The following TTC6 variants were observed in gnomAD, a reference collection of about 807,000 sequenced individuals.
TTC6 encodes tetratricopeptide repeat protein 6.
In TTC6, 172 loss-of-function variants were observed where a neutral mutation model predicts 210.4. The ratio of observed to expected loss-of-function variants is 0.82; its 90% CI spans 0.72 to 0.93. TTC6 has a LOEUF of 0.93. TTC6 is among the 40% of genes least tolerant of loss of function. The pLI, the probability that TTC6 is intolerant of heterozygous loss-of-function variation, is 0.00. For synonymous variants in TTC6, 804 were observed against 819.6 expected, an observed-to-expected ratio of 0.98 and a Z score of 0.32; for missense variants, 2,414 against 2,318.1, an observed-to-expected ratio of 1.04 and a Z score of -0.85.
chr14:37,776,845 C>T lies in TTC6; in HGVS notation c.3267-10623C>T, dbSNP rs1394014228. ...GGGGCGGGCTGAGGTTGCAGTGAGC[C>T]GAGATGGCACCATTTAACTCTAGCC... On this transcript the variant is annotated intron_variant, in intron 14 of 30. Transcript: ENST00000553443. 2.0e-5 allele frequency among the ~76,000 whole-genome samples: 3 copies of T among 151,870 alleles called. No individual in the cohort carries two copies. In the East Asian group the frequency reaches 5.8e-4, roughly 29 times the overall value.
chr14:37,633,236 C>T (rs2095673492), intron 1 of TTC6, among the ~76,000 whole-genome samples: 1 of 152,212 alleles, frequency 6.6e-6, no homozygotes, highest in Admixed American at 6.5e-5. Flanking sequence ...GTGCGTGAAA[C>T]CCAGGGCCCT....
intron 6 of TTC6, among the ~76,000 whole-genome samples, chr14:37,721,346 C>T (rs2095861474): frequency 6.6e-6 from 1 of 152,158 alleles, no homozygotes; most frequent in South Asian, 2.1e-4. Flanking sequence ...AATGTTGACA[C>T]ATTTCAGTAT....
chr14:37,836,833 C>T (rs1168648117), intron 29 of TTC6, among the ~76,000 whole-genome samples: 1 of 152,110 alleles, frequency 6.6e-6, no homozygotes, highest in Non-Finnish European at 1.5e-5. Flanking sequence ...CTCATCTGAT[C>T]TAATAAACTC....
At chr14:37,690,057 G>A (rs2095800858) in intron 3 of TTC6, among the ~76,000 whole-genome samples, 1 of 151,986 alleles carries the variant, frequency 6.6e-6, no homozygotes, top group Non-Finnish European at 1.5e-5. Flanking sequence ...AAGATAAAAA[G>A]CAGAAGAATA....
At chr14:37,770,476 T>C (rs2096014447) in intron 14 of TTC6, among the ~76,000 whole-genome samples, 2 of 151,574 alleles carry the variant, frequency 1.3e-5, no homozygotes, top group Admixed American at 1.3e-4. Context: ...GCTTTATGAA[T>C]CTGGGTGCTC....
chr14:37,635,321 G>A (rs978027688), intron 1 of TTC6, among the ~76,000 whole-genome samples: 8 of 152,054 alleles, frequency 5.3e-5, no homozygotes, highest in African/African-American at 1.9e-4. Flanking sequence ...GGTATACAAA[G>A]CGATTCACTC....
At chr14:37,831,050 C>T (rs2096183717) in intron 29 of TTC6, among the ~76,000 whole-genome samples, 1 of 151,994 alleles carries the variant, frequency 6.6e-6, no homozygotes, top group Non-Finnish European at 1.5e-5. Context: ...TATTTTTGTT[C>T]CCATTAGCCA....
At chr14:37,667,285 C>T (rs1215436545) in intron 1 of TTC6, among the ~76,000 whole-genome samples, 1 of 150,140 alleles carries the variant, frequency 6.7e-6, no homozygotes, top group African/African-American at 2.4e-5. Context: ...TCTTATTTCA[C>T]TTATACTACC....
intron 1 of TTC6, among the ~76,000 whole-genome samples, chr14:37,679,319 C>T (rs2095777654): frequency 6.6e-6 from 1 of 152,134 alleles, no homozygotes; most frequent in Admixed American, 6.5e-5. Context: ...TGATTTGTGG[C>T]TTCACAGTTT....
chr14:37,768,699 G>C (rs1339615322), intron 14 of TTC6, among the ~76,000 whole-genome samples: 1 of 151,834 alleles, frequency 6.6e-6, no homozygotes, highest in Non-Finnish European at 1.5e-5. Context: ...AGGAGATTTT[G>C]GGCTGAGACA....
chr14:37,711,256 G>A (rs561324630), intron 5 of TTC6, among the ~76,000 whole-genome samples: 4 of 152,140 alleles, frequency 2.6e-5, no homozygotes, highest in Admixed American at 1.3e-4. Context: ...CAAATTTTTG[G>A]GAGACAGAAA....
chr14:37,721,853 T>TAC, intron 6 of TTC6, among the ~76,000 whole-genome samples: 1 of 128,336 alleles, frequency 7.8e-6, no homozygotes, highest in African/African-American at 3.4e-5. Context: ...TCACCATATA[T>TAC]ATATATATAT....
intron 6 of TTC6, among the ~76,000 whole-genome samples, chr14:37,720,907 G>A (rs867528860): frequency 2.0e-5 from 3 of 152,176 alleles, no homozygotes; most frequent in South Asian, 4.1e-4. Context: ...TAGCTTGACT[G>A]TTTCATGTCA....
At chr14:37,605,866 C>T (rs1219998445) in intron 1 of TTC6, among the ~76,000 whole-genome samples, 6 of 151,386 alleles carry the variant, frequency 4.0e-5, no homozygotes, top group Non-Finnish European at 7.4e-5. Flanking sequence ...TGTATCTTTT[C>T]TTTTTCAAAT....
intron 29 of TTC6, among the ~76,000 whole-genome samples, chr14:37,833,037 A>G (rs543748525): frequency 6.0e-4 from 82 of 137,346 alleles, no homozygotes; most frequent in African/African-American, 2.2e-3. Context: ...TGGCCTGGTG[A>G]TAGAGTGAGA....
intron 4 of TTC6, 47 bp from the exon 7 acceptor site, chr14:37,701,285 A>T (rs2095824797): frequency 7.8e-7 from 1 of 1,288,738 alleles, no homozygotes; most frequent in Non-Finnish European, 1.0e-6. Flanking sequence ...TTATATCTAA[A>T]GTCCACAAAA....
At chr14:37,652,208 A>G (rs974025703) in intron 1 of TTC6, among the ~76,000 whole-genome samples, 2 of 152,174 alleles carry the variant, frequency 1.3e-5, no homozygotes, top group Non-Finnish European at 2.9e-5. Context: ...ATTGAACCAT[A>G]TGAAATTGCT....
intron 5 of TTC6, among the ~76,000 whole-genome samples, chr14:37,708,741 T>G (rs1231480061): frequency 6.6e-6 from 1 of 152,122 alleles, no homozygotes; most frequent in Non-Finnish European, 1.5e-5. Flanking sequence ...TGAACCAATT[T>G]TGGAAGCAGG....
rs183270022 is a variant in TTC6, at chr14:37,716,099, C to T, written c.1713+1303C>T. Among the ~76,000 whole-genome samples, 282 of 152,056 alleles carry T rather than the reference C, an allele frequency of 1.9e-3. 2 individuals are homozygous for T. Among genetic ancestry groups the T allele is most frequent in the African/African-American group, 6.5e-3 (270 of 41,470 alleles). ...GACATAAAGGGAGGTGAGATTTCTA[C>T]GTATCACTTGAACTAGTAAAATAAT... is the stretch of plus-strand genomic sequence containing the variant. On this transcript the variant is annotated intron_variant, in intron 6 of 30. Coordinates refer to ENST00000553443, the Ensembl canonical transcript of TTC6.
Sources: gnomAD v4.1 joint callset for allele counts (sites outside exome capture counted in the v4.1 genomes callset) on GRCh38, gnomAD v4.1.1 for gene constraint, MANE v1.5 for transcripts, NCBI Gene and HGNC (gene_info 2026-07-23, HGNC 2026-07-21) for gene names.